USO1: variants seen among roughly 807,000 people sequenced by gnomAD.
The protein encoded by USO1 is general vesicular transport factor p115.
A neutral mutation model predicts 124.5 loss-of-function variants in USO1; 57 were observed. The ratio of observed to expected loss-of-function variants is 0.46; its 90% CI spans 0.37 to 0.57. The LOEUF is 0.57. USO1 is among the 20% of genes least tolerant of loss of function. The pLI is 0.00. For synonymous variants in USO1, 369 were observed against 362.8 expected, an observed-to-expected ratio of 1.02 and a Z score of -0.19; for missense variants, 900 against 1,040.6, an observed-to-expected ratio of 0.86 and a Z score of 1.86.
At position 75,813,202 on chromosome 4, in the gene USO1, C is replaced by T. The variant is rs62318559; in HGVS notation, c.2800-4C>T. The T allele has an allele frequency of 6.2e-7, 1 of 1,601,218 alleles. No individual in the cohort carries two copies. Among genetic ancestry groups the T allele is most frequent in the Admixed American group, 1.8e-5 (1 of 56,172 alleles). On this transcript the variant is annotated splice_polypyrimidine_tract_variant and splice_region_variant and intron_variant, in intron 23 of 23. Coordinates refer to ENST00000514213, the MANE Select transcript of USO1 (RefSeq NM_003715.4). Reference sequence around the variant, plus strand: ...ACAATATTAAATACGTCTTTTTCCTCTAGGTTGAAGAAGAGGATGAACTTG... The same window carrying T: ...ACAATATTAAATACGTCTTTTTCCTTTAGGTTGAAGAAGAGGATGAACTTG...
chr4:75,741,257 T>C (rs1416309964), intron 1 of USO1, among the ~76,000 whole-genome samples: 1 of 152,202 alleles, frequency 6.6e-6, no homozygotes, highest in East Asian at 1.9e-4. Flanking sequence ...GTAAATAGTA[T>C]GCCTATATAG....
chr4:75,809,956 A>G (rs1345387886), intron 21 of USO1, among the ~76,000 whole-genome samples: 2 of 152,236 alleles, frequency 1.3e-5, no homozygotes, highest in Non-Finnish European at 2.9e-5. Flanking sequence ...TATTTTAGAA[A>G]AAAGACAAGG....
chr4:75,784,791 G>GAA (rs200097346), intron 9 of USO1, among the ~76,000 whole-genome samples: 5 of 130,176 alleles, frequency 3.8e-5, no homozygotes, highest in East Asian at 4.4e-4. Flanking sequence ...TCTATCTCAG[G>GAA]AAAAAAAAAA....
At chr4:75,805,918 G>C (rs1178009416) in intron 19 of USO1, among the ~76,000 whole-genome samples, 1 of 152,082 alleles carries the variant, frequency 6.6e-6, no homozygotes, top group Non-Finnish European at 1.5e-5. Flanking sequence ...ATAAATGTTT[G>C]CTTTTATGCT....
intron 18 of USO1, 115 bp downstream of exon 18, chr4:75,804,387 G>T: frequency 7.2e-7 from 1 of 1,398,318 alleles, no homozygotes; most frequent in South Asian, 1.8e-5. Context: ...TAATCATGGT[G>T]ACAAAAATGT....
chr4:75,796,408 T>G (rs1404765493), intron 13 of USO1, among the ~76,000 whole-genome samples: 2 of 146,776 alleles, frequency 1.4e-5, no homozygotes, highest in Non-Finnish European at 3.0e-5. Context: ...CGATCTTGGC[T>G]CACCGCAACC....
At chr4:75,775,276 T>C (rs1344754556) in intron 8 of USO1, among the ~76,000 whole-genome samples, 1 of 152,140 alleles carries the variant, frequency 6.6e-6, no homozygotes, top group Non-Finnish European at 1.5e-5. Context: ...TGATGGCTCA[T>C]ACCTGTAATG....
intron 3 of USO1, among the ~76,000 whole-genome samples, chr4:75,756,966 TAC>T (rs1332875873): frequency 6.6e-6 from 1 of 151,930 alleles, no homozygotes; most frequent in Non-Finnish European, 1.5e-5. Context: ...TACATATATA[TAC>T]ATATGTAAAC....
At chr4:75,782,235 T>C (rs1489902415) in intron 8 of USO1, among the ~76,000 whole-genome samples, 1 of 152,192 alleles carries the variant, frequency 6.6e-6, no homozygotes, top group Non-Finnish European at 1.5e-5. Flanking sequence ...ATACATGATA[T>C]CATGTCTCTG....
In USO1 at chr4:75,812,168, T is replaced by G. The variant is rs1401475486; in HGVS notation, c.2592T>G (p.Ile864Met). The G allele has an allele frequency of 6.2e-7, 1 of 1,601,494 alleles. No homozygotes were observed. Among genetic ancestry groups the G allele is most frequent in the African/African-American group, 1.3e-5 (1 of 74,724 alleles). ...CACCTTTCTTTTCCTAGAATGAAAT[T>G]AAAGCTCTGTCTGAGGAAAGAACTG... ...LQETKELKNE[I>M]KALSEERTAI... The change falls in exon 23 of 24, where the codon ATT becomes ATG. Residue 864 changes from isoleucine to methionine, a missense_variant. This residue lies in a region of USO1 where 362 missense variants were observed against 359.0 expected (regional missense o/e 1.01). Transcript: ENST00000514213.
At chr4:75,779,467 T>C (rs1028068899) in intron 8 of USO1, among the ~76,000 whole-genome samples, 7 of 152,238 alleles carry the variant, frequency 4.6e-5, no homozygotes, top group Non-Finnish European at 1.0e-4. Context: ...TTAAAAGTTC[T>C]ACAGCAGTGA....
chr4:75,802,048 G>A (rs1271880572), intron 17 of USO1, among the ~76,000 whole-genome samples: 4 of 151,620 alleles, frequency 2.6e-5, no homozygotes, highest in African/African-American at 4.8e-5. Flanking sequence ...TCCTGACCTC[G>A]GGTGATCCCT....
chr4:75,794,001 A>C, intron 13 of USO1, 100 bp downstream of exon 13: 1 of 1,499,652 alleles, frequency 6.7e-7, no homozygotes, highest in Non-Finnish European at 8.9e-7. Context: ...AGGACAGAGA[A>C]GACTTATTCT....
chr4:75,805,927 C>T (rs1404420067), intron 19 of USO1, among the ~76,000 whole-genome samples: 1 of 152,060 alleles, frequency 6.6e-6, no homozygotes, highest in Non-Finnish European at 1.5e-5. Flanking sequence ...TGCTTTTATG[C>T]TCTTTCTCCA....
chr4:75,770,479 A>G lies in USO1; in HGVS notation c.336A>G (p.Gln112=). The G allele has an allele frequency of 2.5e-6, 4 of 1,595,556 alleles. No individual in the cohort carries two copies. Among genetic ancestry groups the G allele is most frequent in the Non-Finnish European group, 3.4e-6 (4 of 1,170,094 alleles). ...GACAGAGTGAAGATTTGGGAAGCCA[A>G]TTTACAGAAATTTTCATTAAGCAGC... ...STRQSEDLGS[Q]FTEIFIKQQE... The change falls in exon 5 of 24, where the codon CAA becomes CAG. Residue 112 remains glutamine (Q), a synonymous_variant. Coordinates refer to ENST00000514213, the MANE Select transcript of USO1 (RefSeq NM_003715.4).
chr4:75,784,460 C>G (rs995795729), intron 9 of USO1, among the ~76,000 whole-genome samples: 2 of 152,176 alleles, frequency 1.3e-5, no homozygotes, highest in African/African-American at 4.8e-5. Context: ...GAGGAAGCTA[C>G]ACATGTTTTA....
At chr4:75,738,366 A>G (rs1720856054) in intron 1 of USO1, among the ~76,000 whole-genome samples, 1 of 151,842 alleles carries the variant, frequency 6.6e-6, no homozygotes, top group South Asian at 2.1e-4. Flanking sequence ...CTGAGGCAGG[A>G]GGATTGCTGG....
intron 1 of USO1, among the ~76,000 whole-genome samples, chr4:75,744,055 C>T (rs1383593527): frequency 1.3e-5 from 2 of 152,294 alleles, no homozygotes; most frequent in East Asian, 3.9e-4. Flanking sequence ...GGATTACAGG[C>T]ATGAGCCACT....
At chr4:75,727,504 A>C (rs1720498930) in intron 1 of USO1, among the ~76,000 whole-genome samples, 1 of 152,160 alleles carries the variant, frequency 6.6e-6, no homozygotes. Flanking sequence ...GTATGAATAA[A>C]ATTTGTTTCA....
Sources: allele counts gnomAD v4.1 joint callset (sites outside exome capture counted in the v4.1 genomes callset), GRCh38; gene constraint gnomAD v4.1.1; regional missense constraint gnomAD v4.1.1; transcripts MANE v1.5; gene names NCBI Gene and HGNC (gene_info 2026-07-23, HGNC 2026-07-21).